MICAL3: variants seen among roughly 807,000 people sequenced by gnomAD.
MICAL3 encodes the protein [F-actin]-monooxygenase MICAL3.
A neutral mutation model predicts 207.4 loss-of-function variants in MICAL3; 62 were observed. The ratio of observed to expected loss-of-function variants is 0.30; its 90% CI spans 0.24 to 0.37. The LOEUF (loss-of-function observed/expected upper bound fraction) is 0.37, where lower values mean the gene tolerates loss of function less well. Among genes scored for constraint, MICAL3 ranks in the 10% least tolerant of loss-of-function variants. The pLI, the probability that MICAL3 is intolerant of heterozygous loss-of-function variation, is 1.00. For missense variants in MICAL3, 2,368 were observed against 2,635.6 expected, an observed-to-expected ratio of 0.90 and a Z score of 2.22; for synonymous variants, 1,077 against 1,069.3, an observed-to-expected ratio of 1.01 and a Z score of -0.14.
intron 21 of MICAL3, among the ~76,000 whole-genome samples, chr22:17,828,144 C>G (rs1922405444): frequency 6.6e-6 from 1 of 152,216 alleles, no homozygotes; most frequent in South Asian, 2.1e-4. Context: ...TTCCAGCCTG[C>G]TTCTGCAGGC....
At chr22:17,942,191 T>C (rs1001878587) in intron 1 of MICAL3, among the ~76,000 whole-genome samples, 2 of 152,208 alleles carry the variant, frequency 1.3e-5, no homozygotes, top group Non-Finnish European at 2.9e-5. Context: ...CCGGTGATTG[T>C]ATGCTTGCAG....
chr22:17,878,516 C>G (rs1009820291), intron 16 of MICAL3, among the ~76,000 whole-genome samples: 1 of 152,148 alleles, frequency 6.6e-6, no homozygotes, highest in Non-Finnish European at 1.5e-5. Context: ...CTATCGGGTC[C>G]GAGGGGTAAC....
At chr22:17,937,153 C>G (rs1914829724) in intron 1 of MICAL3, among the ~76,000 whole-genome samples, 1 of 152,222 alleles carries the variant, frequency 6.6e-6, no homozygotes, top group African/African-American at 2.4e-5. Context: ...GCACAGCAAG[C>G]TACCAATGGC....
chr22:17,990,835 G>A (rs577745959), intron 1 of MICAL3, among the ~76,000 whole-genome samples: 30 of 152,280 alleles, frequency 2.0e-4, no homozygotes, highest in African/African-American at 7.2e-4. Flanking sequence ...TGAGAAATCA[G>A]TTCTCTCCCA....
intron 12 of MICAL3, among the ~76,000 whole-genome samples, chr22:17,891,145 C>G (rs566572286): frequency 7.9e-5 from 12 of 152,218 alleles, no homozygotes; most frequent in Admixed American, 5.9e-4. Context: ...AGAGTTCAAC[C>G]GGGGCCAATA....
intron 27 of MICAL3, among the ~76,000 whole-genome samples, chr22:17,816,371 G>A (rs112787232): frequency 0.012 from 1,878 of 152,320 alleles, 16 homozygotes; most frequent in Non-Finnish European, 0.02. Context: ...TGCTCCCCGC[G>A]GGATCACCTA....
chr22:17,866,048 G>A (rs746194723), intron 17 of MICAL3, 36 bp from the exon 18 acceptor site: 2 of 1,508,686 alleles, frequency 1.3e-6, no homozygotes, highest in African/African-American at 2.7e-5. Flanking sequence ...GAGGCGATGA[G>A]CCAGGCACGG....
chr22:17,893,615 A>G (rs866022490), intron 11 of MICAL3, among the ~76,000 whole-genome samples, 193 bp downstream of exon 11: 12 of 152,028 alleles, frequency 7.9e-5, no homozygotes, highest in Non-Finnish European at 1.6e-4. Context: ...CCCACCCCCA[A>G]TCATGACCAT....
chr22:17,838,241 G>A (rs1923607322), intron 20 of MICAL3, among the ~76,000 whole-genome samples: 1 of 152,130 alleles, frequency 6.6e-6, no homozygotes, highest in Non-Finnish European at 1.5e-5. Flanking sequence ...AAAAATTCTG[G>A]GGCTTTACCC....
chr22:17,949,632 T>C (rs1934236812), intron 1 of MICAL3, among the ~76,000 whole-genome samples: 2 of 152,242 alleles, frequency 1.3e-5, no homozygotes, highest in Non-Finnish European at 2.9e-5. Context: ...ATTCCCTATA[T>C]GATCCGACAA....
chr22:17,976,561 G>GTGTATA lies in MICAL3; in HGVS notation c.-75+47719_-75+47720insTATACA, dbSNP rs1392364468. ...TGTGTGTGTGTGTGTGTGTGTGTGT[G>GTGTATA]TATATATATATATATATATATATAT... On this transcript the variant is annotated intron_variant, in intron 1 of 31. Transcript: ENST00000441493. Among the ~76,000 whole-genome samples, 62 of 80,038 alleles carry GTGTATA rather than the reference G, an allele frequency of 7.7e-4. 1 individual carries two copies. Among genetic ancestry groups the GTGTATA allele is most frequent in the Non-Finnish European group, 9.4e-4 (42 of 44,752 alleles). The allele number at this position is 80,038 out of a possible 152,430, so 52.5% of individuals were successfully genotyped here.
intron 16 of MICAL3, among the ~76,000 whole-genome samples, chr22:17,882,861 C>A (rs1929561886): frequency 6.6e-6 from 1 of 152,210 alleles, no homozygotes; most frequent in South Asian, 2.1e-4. Context: ...ACTGCCCACA[C>A]AGCCTGCCAG....
intron 19 of MICAL3, chr22:17,863,060 G>A (rs867566555): frequency 1.0e-6 from 1 of 985,302 alleles, no homozygotes; most frequent in Middle Eastern, 5.2e-4. Context: ...TCCCCACTAT[G>A]TAGAACATTC....
At chr22:17,983,536 C>T (rs395227) in intron 1 of MICAL3, 1 of 151,238 alleles carries the variant, frequency 6.6e-6, no homozygotes, top group Non-Finnish European at 1.5e-5. Context: ...GTCCTTCAGA[C>T]TCAGCTGCAC....
chr22:18,017,467 C>T (rs995103954), intron 1 of MICAL3, among the ~76,000 whole-genome samples: 10 of 151,948 alleles, frequency 6.6e-5, no homozygotes, highest in South Asian at 6.2e-4. Context: ...CACCCACCTC[C>T]GCCTCCCAAA....
chr22:17,988,854 A>G (rs1921334540), intron 1 of MICAL3, among the ~76,000 whole-genome samples: 1 of 152,208 alleles, frequency 6.6e-6, no homozygotes, highest in African/African-American at 2.4e-5. Context: ...GAGGCCACAA[A>G]TAAAAGCATT....
chr22:17,935,894 T>C (rs1210973042), intron 1 of MICAL3, among the ~76,000 whole-genome samples: 1 of 152,206 alleles, frequency 6.6e-6, no homozygotes, highest in Non-Finnish European at 1.5e-5. Flanking sequence ...TCATGCCAGT[T>C]AGAATGGCAA....
chr22:17,964,482 G>A (rs183635407), intron 1 of MICAL3, among the ~76,000 whole-genome samples: 40 of 152,316 alleles, frequency 2.6e-4, no homozygotes, highest in Non-Finnish European at 5.0e-4. Flanking sequence ...CACAGCACAC[G>A]TCCACATGTA....
At position 17,902,770 on chromosome 22, in the gene MICAL3, T is replaced by C. The variant is rs1290347906; in HGVS notation, c.473-23A>G. The stretch of plus-strand genomic sequence containing the variant: ...TACCTGGGAGAATACAGAGATGACG[T>C]TGATGGGAACACATGGAGAAGGGGG... On this transcript the variant is annotated intron_variant, in intron 3 of 31. Transcript: ENST00000441493. This position sits in a 1 kb window ranked among gnomAD's most constrained non-coding sequence, Gnocchi z 4.5. 7 of 1,457,088 alleles carry C rather than the reference T, an allele frequency of 4.8e-6. No individual in the cohort carries two copies. Among genetic ancestry groups the C allele is most frequent in the African/African-American group, 2.8e-5 (2 of 71,798 alleles). 90.3% of individuals were successfully genotyped at this position (1,457,088 alleles called of 1,614,324 possible). A position where few individuals can be genotyped will look rare whatever the true frequency, so the allele number is the denominator to read the frequency against.
Sources: gnomAD v4.1 joint callset for allele counts (sites outside exome capture counted in the v4.1 genomes callset) on GRCh38, gnomAD v4.1.1 for gene constraint, Gnocchi (gnomAD v3.1) non-coding constraint, MANE v1.5 for transcripts, NCBI Gene and HGNC (gene_info 2026-07-23, HGNC 2026-07-21) for gene names.